Variants in LOXHD1 observed in about 807,000 individuals in gnomAD.
LOXHD1 encodes lipoxygenase homology PLAT domains 1.
A neutral mutation model predicts 248.2 loss-of-function variants in LOXHD1; 205 were observed. That is an observed-to-expected ratio of 0.83 (90% CI 0.74 to 0.93). LOXHD1 has a LOEUF of 0.93. Ranked by LOEUF, LOXHD1 falls within the 40% of genes least tolerant of loss-of-function variation. LOXHD1 has a pLI of 0.00. For missense variants in LOXHD1, 2,930 were observed against 2,971.6 expected, an observed-to-expected ratio of 0.99 and a Z score of 0.33; for synonymous variants, 1,113 against 1,162.8, an observed-to-expected ratio of 0.96 and a Z score of 0.87.
At chr18:46,641,020 A>G (rs1007110513) in intron 3 of LOXHD1, among the ~76,000 whole-genome samples, 3 of 152,154 alleles carry the variant, frequency 2.0e-5, no homozygotes, top group Non-Finnish European at 4.4e-5. Context: ...TGTCTGGCAC[A>G]AAGTCTGGCA....
chr18:46,538,424 C>A (rs569476640), intron 25 of LOXHD1, 87 bp from the exon 26 acceptor site: 4 of 1,302,780 alleles, frequency 3.1e-6, no homozygotes, highest in African/African-American at 2.9e-5. Flanking sequence ...ACCAGCACAA[C>A]CAGCCCAGAC....
intron 20 of LOXHD1, chr18:46,559,061 ACACCATACT>A (rs766875174): frequency 1.2e-5 from 12 of 1,002,616 alleles, no homozygotes; most frequent in Non-Finnish European, 1.5e-5. Flanking sequence ...TTATATGTCT[ACACCATACT>A]CACCTGCCAA....
Position 46,572,058 on chromosome 18 carries a change from C to T in LOXHD1, c.2047+28G>A, listed in dbSNP as rs769574273. On this transcript the variant is annotated intron_variant, in intron 15 of 40. Transcript: ENST00000642948. Reference sequence around the variant, plus strand: ...GGCCCCTGTCTCACCAAGGGCACACCCAGCACCTGGTCATCAGGACAACTC... The same window carrying T: ...GGCCCCTGTCTCACCAAGGGCACACTCAGCACCTGGTCATCAGGACAACTC... 5.8e-6 allele frequency: 9 copies of T among 1,547,142 alleles called. No homozygotes were observed. In the African/African-American group the frequency reaches 9.6e-5, roughly 16 times the overall value.
intron 37 of LOXHD1, among the ~76,000 whole-genome samples, chr18:46,505,309 T>C (rs985558682): frequency 6.6e-6 from 1 of 151,922 alleles, no homozygotes. Context: ...AGCCTCCAAG[T>C]AGATGGGACC....
intron 34 of LOXHD1, 85 bp downstream of exon 34, chr18:46,518,044 G>GA: frequency 6.6e-7 from 1 of 1,507,824 alleles, no homozygotes; most frequent in South Asian, 1.2e-5. Context: ...GGGCATGTGA[G>GA]AATCAGCCTG....
rs1315549430 is a variant in LOXHD1 at position 46,559,685 on chromosome 18, C to G, written c.3062-83G>C. On this transcript the variant is annotated intron_variant, in intron 19 of 40. Coordinates refer to ENST00000642948, the MANE Select transcript of LOXHD1 (RefSeq NM_001384474.1). ...TGAGGCACAGCCTCTCAGATCCAGC[C>G]AGATCCTAGAACAGAGGGATCTTCA... The G allele has an allele frequency of 2.8e-6, 4 of 1,433,808 alleles. No individual in the cohort carries two copies. In the East Asian group the frequency reaches 7.5e-5, roughly 27 times the overall value. The allele number at this position is 1,433,808 out of a possible 1,614,324, so 88.8% of individuals were successfully genotyped here. A position where few individuals can be genotyped will look rare whatever the true frequency, so the allele number is the denominator to read the frequency against.
At chr18:46,625,311 C>A (rs2038725868) in intron 4 of LOXHD1, among the ~76,000 whole-genome samples, 1 of 152,112 alleles carries the variant, frequency 6.6e-6, no homozygotes, top group Non-Finnish European at 1.5e-5. Context: ...CTCAGCCAAG[C>A]CTTGTTATGC....
chr18:46,641,727 T>G lies in LOXHD1; in HGVS notation c.326+229A>C, dbSNP rs564704334. Among the ~76,000 whole-genome samples the G allele has an allele frequency of 6.4e-4, 97 of 152,286 alleles. No homozygotes were observed. The South Asian group carries it at 0.02, about 31-fold the overall frequency. On this transcript the variant is annotated intron_variant, in intron 3 of 40. Coordinates refer to ENST00000642948, the MANE Select transcript of LOXHD1 (RefSeq NM_001384474.1). Reference sequence around the variant, plus strand: ...ATGCTATAATGTCTCTCACAGCATATTCTCAAGTTTGTAAAAATTTGTCTT... The same window carrying G: ...ATGCTATAATGTCTCTCACAGCATAGTCTCAAGTTTGTAAAAATTTGTCTT...
intron 9 of LOXHD1, among the ~76,000 whole-genome samples, 182 bp downstream of exon 9, chr18:46,594,149 T>C (rs1023711295): frequency 1.6e-4 from 24 of 152,122 alleles, no homozygotes; most frequent in African/African-American, 5.6e-4. Flanking sequence ...TGACTCTATA[T>C]GGCCTGTACT....
rs1267661482 is a variant in LOXHD1, at chr18:46,477,437, G to A, written c.*35C>T. The A allele has an allele frequency of 5.2e-6, 8 of 1,536,668 alleles. No individual in the cohort carries two copies. The East Asian group carries it at 7.4e-5, about 14-fold the overall frequency. ...GGTGGAGGGCAGAAATGTGAGATTGGGGCATCTCAGTGAGAGGGTGGGGGC... is the reference window on the plus strand; with the variant it reads ...GGTGGAGGGCAGAAATGTGAGATTGAGGCATCTCAGTGAGAGGGTGGGGGC... On this transcript the variant is annotated 3_prime_UTR_variant, in exon 41 of 41. Transcript: ENST00000642948.
In LOXHD1 at chr18:46,560,063, A is replaced by AC; in HGVS notation, c.3061+19dup. The AC allele has an allele frequency of 6.0e-6, 2 of 336,084 alleles. No individual in the cohort carries two copies. Among genetic ancestry groups the AC allele is most frequent in the South Asian group, 2.5e-5 (1 of 40,276 alleles). The allele number at this position is 336,084 out of a possible 1,614,324, so 20.8% of individuals were successfully genotyped here. A position where few individuals can be genotyped will look rare whatever the true frequency, so the allele number is the denominator to read the frequency against. Reference sequence around the variant, plus strand: ...GTCTGGCCACTCCCTCCCCACCCCCACCCCCCACGACCCACTTACGCTCAG... The same window carrying AC: ...GTCTGGCCACTCCCTCCCCACCCCCACCCCCCCACGACCCACTTACGCTCAG... On this transcript the variant is annotated intron_variant, in intron 19 of 40. Transcript: ENST00000642948.
At position 46,579,714 on chromosome 18, in the gene LOXHD1, G is replaced by A; in HGVS notation, c.1725C>T (p.Leu575=). 1 of 1,551,826 alleles carries A rather than the reference G, an allele frequency of 6.4e-7. No individual in the cohort carries two copies. Among genetic ancestry groups the A allele is most frequent in the Non-Finnish European group, 8.7e-7 (1 of 1,147,008 alleles). ...TGTCCCCCACATCACCAAAAAGGCA[G>A]AGATAGACGTTGGCATCGGTCCCAG... ...EGAGTDANVY[L]CLFGDVGDTG... is the part of the protein sequence containing the mutation. Residue 575 remains leucine, a synonymous_variant, in exon 13 of 41, where the codon CTC becomes CTT. Transcript: ENST00000642948.
At chr18:46,630,204 C>G (rs2038802277) in intron 4 of LOXHD1, among the ~76,000 whole-genome samples, 1 of 152,174 alleles carries the variant, frequency 6.6e-6, no homozygotes, top group Admixed American at 6.5e-5. Flanking sequence ...TTCTGACAGC[C>G]CTGGTGTGTG....
chr18:46,640,729 C>G (rs1361633213), intron 3 of LOXHD1, among the ~76,000 whole-genome samples: 1 of 152,090 alleles, frequency 6.6e-6, no homozygotes, highest in Non-Finnish European at 1.5e-5. Context: ...AGTGTAATAG[C>G]CACATATGGT....
chr18:46,595,970 T>C (rs1236682283), intron 8 of LOXHD1, among the ~76,000 whole-genome samples: 2 of 152,148 alleles, frequency 1.3e-5, no homozygotes, highest in African/African-American at 2.4e-5. Context: ...TCTAAACATA[T>C]AGTAAGCGCT....
At chr18:46,515,511 C>A (rs772942953) in intron 34 of LOXHD1, among the ~76,000 whole-genome samples, 28 of 152,076 alleles carry the variant, frequency 1.8e-4, no homozygotes, top group Middle Eastern at 6.8e-3. Context: ...AAAGCATTTA[C>A]AATATGGTTG....
intron 38 of LOXHD1, 75 bp from the exon 39 acceptor site, chr18:46,485,226 A>G: frequency 6.7e-7 from 1 of 1,499,672 alleles, no homozygotes; most frequent in South Asian, 1.3e-5. Context: ...CAAGAGGGTC[A>G]CGGCCTCCGG....
chr18:46,484,038 G>A (rs1159634644), intron 39 of LOXHD1, among the ~76,000 whole-genome samples: 1 of 152,120 alleles, frequency 6.6e-6, no homozygotes, highest in Non-Finnish European at 1.5e-5. Context: ...AGGGAGGAGG[G>A]GAAGGGAAGA....
At position 46,563,243 on chromosome 18, in the gene LOXHD1, G is replaced by C; in HGVS notation, c.2438-18C>G. 1.4e-6 allele frequency: 2 copies of C among 1,478,652 alleles called. No homozygotes were observed. The highest frequency in any genetic ancestry group is 1.8e-6 in the Non-Finnish European group (2 of 1,098,500). The allele number at this position is 1,478,652 out of a possible 1,614,324, so 91.6% of individuals were successfully genotyped here. The stretch of plus-strand genomic sequence containing the variant: ...GTGGACCACTGGGTGGGCACGTGCA[G>C]AAGAAGTGGAACATTTAGTAATAAT... On this transcript the variant is annotated intron_variant, in intron 17 of 40. Transcript: ENST00000642948.
Sources: gnomAD v4.1 joint callset for allele counts (sites outside exome capture counted in the v4.1 genomes callset) on GRCh38, gnomAD v4.1.1 for gene constraint, MANE v1.5 for transcripts, NCBI Gene and HGNC (gene_info 2026-07-23, HGNC 2026-07-21) for gene names.